SS18L1: variants seen among roughly 807,000 people sequenced by gnomAD.
SS18L1 encodes calcium-responsive transactivator.
A neutral mutation model predicts 70.3 loss-of-function variants in SS18L1; 32 were observed. The observed-to-expected ratio is 0.46, with a 90% CI of 0.34 to 0.61. The LOEUF (loss-of-function observed/expected upper bound fraction) is 0.61. Among genes scored for constraint, SS18L1 ranks in the 20% least tolerant of loss-of-function variants. The pLI is 0.01. For missense variants in SS18L1, 430 were observed against 542.1 expected (o/e 0.79, Z 2.05); for synonymous variants, 237 against 229.7 (o/e 1.03, Z -0.29).
chr20:62,150,904 G>A (rs2145701067), intron 1 of SS18L1, among the ~76,000 whole-genome samples: 1 of 152,250 alleles, frequency 6.6e-6, no homozygotes, highest in East Asian at 1.9e-4. Flanking sequence ...GACGCTTCCA[G>A]AATCGGCAGA....
chr20:62,166,279 G>A (rs1328145340), intron 8 of SS18L1, among the ~76,000 whole-genome samples: 2 of 152,248 alleles, frequency 1.3e-5, no homozygotes, highest in African/African-American at 4.8e-5. Context: ...GGGGCCTCGT[G>A]TCTGCTGACG....
At chr20:62,169,896 A>G (rs2057500101) in intron 8 of SS18L1, among the ~76,000 whole-genome samples, 2 of 152,048 alleles carry the variant, frequency 1.3e-5, no homozygotes, top group African/African-American at 4.8e-5. Flanking sequence ...TGTCGTGTGC[A>G]TTTCTCAGGC....
At chr20:62,163,649 G>A (rs2057373863) in intron 6 of SS18L1, 27 bp downstream of exon 6, 1 of 1,531,628 alleles carries the variant, frequency 6.5e-7, no homozygotes, top group Non-Finnish European at 8.7e-7. Context: ...CCAGGTCGCG[G>A]GCACAGCTGA....
At chr20:62,155,283 C>G in intron 1 of SS18L1, among the ~76,000 whole-genome samples, 1 of 152,090 alleles carries the variant, frequency 6.6e-6, no homozygotes, top group East Asian at 1.9e-4. Flanking sequence ...CATGGTGGCA[C>G]ACACCTGTAG....
Position 62,161,729 on chromosome 20 carries a change from T to A in SS18L1, c.376+149T>A. On this transcript the variant is annotated intron_variant, in intron 4 of 10. Coordinates refer to ENST00000331758, the MANE Select transcript of SS18L1 (RefSeq NM_198935.3). The surrounding 1 kb of genome is among the most constrained non-coding windows in gnomAD (Gnocchi z 4.4). ...TGGGGTAGCCACAGGTCGGCTGCCA[T>A]CGCCCAGGCTCAGGGCCGCAGCGAG... 8.1e-7 allele frequency: 1 copy of A among 1,236,538 alleles called. No homozygotes were observed. Among genetic ancestry groups the A allele is most frequent in the Non-Finnish European group, 1.1e-6 (1 of 915,204 alleles). The allele number at this position is 1,236,538 out of a possible 1,614,324, so 76.6% of individuals were successfully genotyped here.
At position 62,164,239 on chromosome 20, in the gene SS18L1, C is replaced by T. The variant is rs375639387; in HGVS notation, c.816C>T (p.Tyr272=). The change falls in exon 7 of 11, where the codon TAC becomes TAT. Residue 272 remains tyrosine, a synonymous_variant. Transcript: ENST00000331758. ...CGGAGCCCATGGGCCAGCAGTACTA[C>T]CCCGACGGTGAGCACTGGCGGCGGC... ...GAAEPMGQQY[Y]PDGHGDYAYQ... 16 of 1,547,780 alleles carry T rather than the reference C, an allele frequency of 1.0e-5. No individual in the cohort carries two copies. Among genetic ancestry groups the T allele is most frequent in the South Asian group, 2.4e-5 (2 of 83,870 alleles).
At chr20:62,144,529 G>C (rs907026624) in intron 1 of SS18L1, among the ~76,000 whole-genome samples, 1 of 152,220 alleles carries the variant, frequency 6.6e-6, no homozygotes, top group East Asian at 1.9e-4. Flanking sequence ...CGTAGGGAGC[G>C]CACCGCCCCC....
At position 62,158,855 on chromosome 20, in the gene SS18L1, C is replaced by T; in HGVS notation, c.146+107C>T. Reference sequence around the variant, plus strand: ...CCCCAGCACAGAGATCAGATAAGTCCCAGGAGTCCCCAGCACGGAGGCCAG... The same window carrying T: ...CCCCAGCACAGAGATCAGATAAGTCTCAGGAGTCCCCAGCACGGAGGCCAG... On this transcript the variant is annotated intron_variant, in intron 2 of 10. Coordinates refer to ENST00000331758, the MANE Select transcript of SS18L1 (RefSeq NM_198935.3). This position sits in a 1 kb window ranked among gnomAD's most constrained non-coding sequence, Gnocchi z 4.5. The T allele has an allele frequency of 1.2e-6, 2 of 1,609,538 alleles. No individual in the cohort carries two copies. The highest frequency in any genetic ancestry group is 3.3e-4 in the Middle Eastern group (2 of 6,052).
At position 62,180,970 on chromosome 20, in the gene SS18L1, T is replaced by C. The variant is rs73307494; in HGVS notation, c.*1762T>C. On this transcript the variant is annotated 3_prime_UTR_variant, in exon 11 of 11. Coordinates refer to ENST00000331758, the MANE Select transcript of SS18L1 (RefSeq NM_198935.3). ...CCAGAGTCGGGTGCTTTAGAATTTA[T>C]AAGTCACTTATGTGTTTTGCTTGAA... 16,084 of 181,004 alleles carry C rather than the reference T, an allele frequency of 0.089. 1,731 individuals are homozygous for C. The highest frequency in any genetic ancestry group is 0.27 in the African/African-American group (11,515 of 42,466). The allele number at this position is 181,004 out of a possible 1,614,324, so 11.2% of individuals were successfully genotyped here. A position where few individuals can be genotyped will look rare whatever the true frequency, so the allele number is the denominator to read the frequency against.
At chr20:62,173,940 G>A (rs998155108) in intron 9 of SS18L1, among the ~76,000 whole-genome samples, 1 of 151,992 alleles carries the variant, frequency 6.6e-6, no homozygotes, top group Non-Finnish European at 1.5e-5. Context: ...CTTGAGCCTG[G>A]GAGGTGGAGG....
chr20:62,161,670 C>T lies in SS18L1; in HGVS notation c.376+90C>T. On this transcript the variant is annotated intron_variant, in intron 4 of 10. Coordinates refer to ENST00000331758, the MANE Select transcript of SS18L1 (RefSeq NM_198935.3). This position sits in a 1 kb window ranked among gnomAD's most constrained non-coding sequence, Gnocchi z 4.4. ...CGGCTGCCATGGTGGGGCACCCCACCCCTCACAGGGCTGGGCATGGGACCC... is the reference window on the plus strand; with the variant it reads ...CGGCTGCCATGGTGGGGCACCCCACTCCTCACAGGGCTGGGCATGGGACCC... 2.0e-6 allele frequency: 3 copies of T among 1,508,604 alleles called. No individual in the cohort carries two copies. Among genetic ancestry groups the T allele is most frequent in the Non-Finnish European group, 2.7e-6 (3 of 1,123,294 alleles). The allele number at this position is 1,508,604 out of a possible 1,614,324, so 93.5% of individuals were successfully genotyped here.
chr20:62,159,822 C>G lies in SS18L1; in HGVS notation c.147-55C>G. The G allele has an allele frequency of 6.4e-7, 1 of 1,554,686 alleles. No homozygotes were observed. The highest frequency in any genetic ancestry group is 8.8e-7 in the Non-Finnish European group (1 of 1,137,936). The stretch of plus-strand genomic sequence containing the variant: ...ACACTTTACTTCTGCCTTGGATCCA[C>G]GTGGGGACTCTGTGGTCCCGTCGTC... On this transcript the variant is annotated intron_variant, in intron 2 of 10. Transcript: ENST00000331758. This position sits in a 1 kb window ranked among gnomAD's most constrained non-coding sequence, Gnocchi z 4.4.
intron 1 of SS18L1, 24 bp downstream of exon 1, chr20:62,143,913 G>C (rs749693892): frequency 1.9e-6 from 2 of 1,048,814 alleles, no homozygotes; most frequent in African/African-American, 3.4e-5. Flanking sequence ...GAGCGGCGGC[G>C]CTGGGCGGCG....
intron 3 of SS18L1, among the ~76,000 whole-genome samples, chr20:62,160,706 G>T (rs932694750): frequency 6.6e-6 from 1 of 152,180 alleles, no homozygotes; most frequent in Admixed American, 6.5e-5. Flanking sequence ...GTGACCCTTA[G>T]TCCTCGGCAA....
At chr20:62,154,307 G>T in intron 1 of SS18L1, 1 of 1,040,760 alleles carries the variant, frequency 9.6e-7, no homozygotes, top group Non-Finnish European at 1.2e-6. Context: ...GCCAGTCATC[G>T]AGTGCCCTTG....
intron 9 of SS18L1, 105 bp downstream of exon 9, chr20:62,172,906 C>T: frequency 1.3e-6 from 2 of 1,556,118 alleles, no homozygotes; most frequent in East Asian, 2.3e-5. Flanking sequence ...CCCTGGGCAG[C>T]AGCAGGGCTA....
intron 8 of SS18L1, 147 bp from the exon 9 acceptor site, chr20:62,172,535 T>A (rs2057550217): frequency 1.8e-6 from 2 of 1,138,610 alleles, no homozygotes; most frequent in Non-Finnish European, 2.5e-6. Context: ...TGTAGTATAG[T>A]ATTTGAATGG....
intron 6 of SS18L1, 117 bp from the exon 7 acceptor site, chr20:62,164,028 G>T (rs55847529): frequency 0.025 from 20,006 of 805,854 alleles, 346 homozygotes; most frequent in Non-Finnish European, 0.032. Context: ...AGCGTGGGGT[G>T]TTCTCCTCGG....
Position 62,174,627 on chromosome 20 carries a change from C to T in SS18L1, c.1147C>T (p.Pro383Ser). ...AGCGCCGTCTGCCCAGCAGCAGCGG[C>T]CCTACGGCTATGAACAGGCAAGCTT... Reference protein sequence around the residue: ...QTAPSAQQQRPYGYEQGQYGN... With the variant: ...QTAPSAQQQRSYGYEQGQYGN... Residue 383 changes from proline to serine, a missense_variant, in exon 10 of 11, where the codon CCC becomes TCC. Transcript: ENST00000331758. The surrounding 1 kb of genome is among the most constrained non-coding windows in gnomAD (Gnocchi z 4.1). 1 of 1,613,656 alleles carries T rather than the reference C, an allele frequency of 6.2e-7. No homozygotes were observed. The highest frequency in any genetic ancestry group is 8.5e-7 in the Non-Finnish European group (1 of 1,180,032).
Sources: gnomAD v4.1 joint callset for allele counts (sites outside exome capture counted in the v4.1 genomes callset) on GRCh38, gnomAD v4.1.1 for gene constraint, Gnocchi (gnomAD v3.1) non-coding constraint, MANE v1.5 for transcripts, NCBI Gene and HGNC (gene_info 2026-07-23, HGNC 2026-07-21) for gene names.